Variants in FCER1A observed in about 807,000 individuals in gnomAD.
FCER1A encodes Fc epsilon receptor Ia, also known as high affinity immunoglobulin epsilon receptor subunit alpha.
FCER1A carries 24 observed loss-of-function variants against 23.6 expected under a neutral mutation model. That is an observed-to-expected ratio of 1.02 (90% CI 0.74 to 1.43). FCER1A has a LOEUF of 1.43. FCER1A is among the 40% of genes most tolerant of loss of function. The pLI is 0.00. For synonymous variants in FCER1A, 121 were observed against 108.8 expected, an observed-to-expected ratio of 1.11 and a Z score of -0.70; for missense variants, 318 against 294.5, an observed-to-expected ratio of 1.08 and a Z score of -0.58.
intron 4 of FCER1A, 40 bp from the exon 5 acceptor site, chr1:159,307,708 G>GATGA (rs763898435): frequency 2.7e-6 from 4 of 1,474,124 alleles, no homozygotes; most frequent in Non-Finnish European, 2.8e-6. Context: ...CAGTTCCCAA[G>GATGA]ATGAATTATG....
intron 2 of FCER1A, 113 bp downstream of exon 2, chr1:159,302,987 C>T: frequency 1.0e-6 from 1 of 1,002,274 alleles, no homozygotes; most frequent in South Asian, 1.3e-5. Flanking sequence ...GAATCTGTTC[C>T]TTGGCCAGAC....
At chr1:159,304,430 C>A (rs1652537108) in intron 3 of FCER1A, among the ~76,000 whole-genome samples, 1 of 151,816 alleles carries the variant, frequency 6.6e-6, no homozygotes, top group African/African-American at 2.4e-5. Context: ...GAAACCCCAT[C>A]TCTGCTAAAA....
At position 159,295,868 on chromosome 1, in the gene FCER1A, G is replaced by T. The variant is rs1245537530; in HGVS notation, c.-60+6115G>T. ...AACCTGTAACCACACTACAAATAGT[G>T]AGAATATTGCTGTGAAACTGCATAC... On this transcript the variant is annotated intron_variant, in intron 1 of 5. Coordinates refer to the FCER1A transcript ENST00000368115. Among the ~76,000 whole-genome samples the T allele has an allele frequency of 2.6e-5, 4 of 152,106 alleles. No individual in the cohort carries two copies. The East Asian group carries it at 7.7e-4, about 29-fold the overall frequency.
chr1:159,302,920 C>T, intron 2 of FCER1A, 46 bp downstream of exon 2: 1 of 1,561,292 alleles, frequency 6.4e-7, no homozygotes, highest in East Asian at 2.2e-5. Context: ...CATGTCTGGG[C>T]ATTGCTTTCC....
chr1:159,293,168 C>CTGTG (rs10632832), intron 1 of FCER1A, among the ~76,000 whole-genome samples: 3,820 of 145,866 alleles, frequency 0.026, 94 homozygotes, highest in African/African-American at 0.066. Flanking sequence ...TACATACACA[C>CTGTG]TGTGTGTGTG....
At chr1:159,288,030 C>A (rs916361123), upstream of FCER1A, among the ~76,000 whole-genome samples, 1 of 151,960 alleles carries the variant, frequency 6.6e-6, no homozygotes, top group African/African-American at 2.4e-5. Context: ...AGGAAAGATG[C>A]AATTTTCATA....
chr1:159,305,772 A>C (rs192148501), intron 3 of FCER1A, among the ~76,000 whole-genome samples: 8 of 152,316 alleles, frequency 5.3e-5, no homozygotes, highest in Admixed American at 4.6e-4. Flanking sequence ...TTGTGGCCCC[A>C]GACTGACTTT....
upstream of FCER1A, among the ~76,000 whole-genome samples, chr1:159,287,223 G>A (rs1209173219): frequency 6.6e-6 from 1 of 152,164 alleles, no homozygotes; most frequent in Non-Finnish European, 1.5e-5. Context: ...GTAAAAGGCA[G>A]GGCAAAGAAG....
rs746592263 is a variant in FCER1A, at chr1:159,303,932, T to C, written c.81T>C (p.Pro27=). The part of the protein sequence containing the change: ...FFAPDGVLAV[P]QKPKVSLNPP... ...CATATTTTTATCTTCTTGAAGTCCC[T>C]CAGAAACCTAAGGTCTCCTTGAACC... The change falls in exon 3 of 5, where the codon CCT becomes CCC. Residue 27 remains proline (P), a synonymous_variant. Coordinates refer to ENST00000693622, the MANE Select transcript of FCER1A (RefSeq NM_001387280.1). 6.2e-7 allele frequency: 1 copy of C among 1,609,834 alleles called. No individual in the cohort carries two copies. The highest frequency in any genetic ancestry group is 8.5e-7 in the Non-Finnish European group (1 of 1,177,332).
At chr1:159,301,592 T>C (rs1168345362), upstream of FCER1A, among the ~76,000 whole-genome samples, 3 of 152,228 alleles carry the variant, frequency 2.0e-5, no homozygotes, top group Non-Finnish European at 4.4e-5. Flanking sequence ...TCTGAAAATG[T>C]TTCCAATTTC....
chr1:159,307,114 G>A (rs1458435346), intron 4 of FCER1A, among the ~76,000 whole-genome samples: 2 of 152,080 alleles, frequency 1.3e-5, no homozygotes, highest in African/African-American at 2.4e-5. Context: ...AATTGGTTTG[G>A]GGTGCAGCCT....
Position 159,307,771 on chromosome 1 carries a change from C to T in FCER1A, c.613C>T (p.Gln205Ter), listed in dbSNP as rs766035632. The change falls in exon 5 of 5, where the codon CAA becomes TAA. Residue 205 changes from glutamine to a stop codon, truncating the protein, a stop_gained. Coordinates refer to ENST00000693622, the MANE Select transcript of FCER1A (RefSeq NM_001387280.1). LOFTEE classifies it low-confidence loss of function (END_TRUNC). The part of the protein sequence containing the change: ...IKAPREKYWL[Q>*]FFIPLLVVIL... Reference sequence around the variant, plus strand: ...AGCTCCGCGTGAGAAGTACTGGCTACAATTTTTTATCCCATTGTTGGTGGT... The same window carrying T: ...AGCTCCGCGTGAGAAGTACTGGCTATAATTTTTTATCCCATTGTTGGTGGT... 1.6e-5 allele frequency: 26 copies of T among 1,610,770 alleles called. No individual in the cohort carries two copies. The highest frequency in any genetic ancestry group is 2.1e-5 in the Non-Finnish European group (25 of 1,177,652).
chr1:159,303,879 T>A (rs1652515331), intron 2 of FCER1A, 49 bp from the exon 3 acceptor site: 1 of 1,494,690 alleles, frequency 6.7e-7, no homozygotes. Flanking sequence ...CAGTTTTCAA[T>A]GACTTTTTTT....
chr1:159,285,670 C>T (rs1651997379), upstream of FCER1A, among the ~76,000 whole-genome samples: 1 of 151,674 alleles, frequency 6.6e-6, no homozygotes, highest in South Asian at 2.1e-4. Flanking sequence ...AAATAAATAG[C>T]ATAATTTTTA....
At chr1:159,285,179 T>C (rs1232451497), upstream of FCER1A, among the ~76,000 whole-genome samples, 2 of 152,218 alleles carry the variant, frequency 1.3e-5, no homozygotes, top group Non-Finnish European at 2.9e-5. Context: ...AGAGGACAGA[T>C]GCCAGTAGAA....
chr1:159,284,732 T>A (rs1285687642), upstream of FCER1A, among the ~76,000 whole-genome samples: 1 of 152,240 alleles, frequency 6.6e-6, no homozygotes, highest in Non-Finnish European at 1.5e-5. Context: ...TTTATGTTTA[T>A]GGTAAAAATG....
rs1488780266 is a variant in FCER1A at position 159,293,380 on chromosome 1, AT to A, written c.-60+3630del. Among the ~76,000 whole-genome samples the A allele has an allele frequency of 2.0e-5, 3 of 151,222 alleles. No individual in the cohort carries two copies. In the East Asian group the frequency reaches 5.8e-4, roughly 29 times the overall value. ...CTTCAGCCCTAATGTCCTTCTCTTA[AT>A]TTCTTTTTTTTAAATTTTATTATTA... On this transcript the variant is annotated intron_variant, in intron 1 of 5. Coordinates refer to the FCER1A transcript ENST00000368115.
At chr1:159,287,010 C>T (rs994428840), upstream of FCER1A, among the ~76,000 whole-genome samples, 9 of 152,114 alleles carry the variant, frequency 5.9e-5, no homozygotes, top group South Asian at 2.1e-4. Flanking sequence ...AAGGAGTAAA[C>T]GATGGTGCCC....
At chr1:159,307,511 A>C (rs530230801) in intron 4 of FCER1A, among the ~76,000 whole-genome samples, 1 of 152,154 alleles carries the variant, frequency 6.6e-6, no homozygotes, top group Non-Finnish European at 1.5e-5. Context: ...GGCACGGCAC[A>C]CTGGCTACTG....
Sources: gnomAD v4.1 joint callset for allele counts (sites outside exome capture counted in the v4.1 genomes callset) on GRCh38, gnomAD v4.1.1 for gene constraint, MANE v1.5 for transcripts, NCBI Gene and HGNC (gene_info 2026-07-23, HGNC 2026-07-21) for gene names.